RBFOX1: variants seen among roughly 807,000 people sequenced by gnomAD.
RBFOX1 encodes RNA binding fox-1 homolog 1.
A neutral mutation model predicts 57.7 loss-of-function variants in RBFOX1; 8 were observed. That is an observed-to-expected ratio of 0.14 (90% confidence interval 0.08 to 0.25). The LOEUF (loss-of-function observed/expected upper bound fraction) is 0.25, where lower values mean the gene tolerates loss of function less well. Ranked by LOEUF, RBFOX1 falls within the 10% of genes least tolerant of loss-of-function variation. The probability of loss-of-function intolerance (pLI) is 1.00; values close to 1 mark genes in which losing one functional copy is unlikely to be tolerated. For synonymous variants in RBFOX1, 326 were observed against 222.4 expected (o/e 1.47, Z -4.15); for missense variants, 611 against 548.5 (o/e 1.11, Z -1.14).
At chr16:5,470,731 A>G (rs2069106717) in intron 2 of RBFOX1, among the ~76,000 whole-genome samples, 1 of 152,044 alleles carries the variant, frequency 6.6e-6, no homozygotes, top group Admixed American at 6.6e-5. Context: ...TAAGTGGCAG[A>G]GCTGGGATTT....
At chr16:6,557,423 G>A (rs892985750) in intron 2 of RBFOX1, among the ~76,000 whole-genome samples, 1 of 152,062 alleles carries the variant, frequency 6.6e-6, no homozygotes, top group African/African-American at 2.4e-5. Flanking sequence ...GGGACAGTAC[G>A]ATTTCACAAT....
chr16:6,290,379 C>A (rs1332306663), intron 1 of RBFOX1, among the ~76,000 whole-genome samples: 1 of 151,222 alleles, frequency 6.6e-6, no homozygotes, highest in Non-Finnish European at 1.5e-5. Flanking sequence ...GTGACCATAG[C>A]ATTTTTGGAC....
chr16:5,874,900 T>C (rs2057565845), intron 4 of RBFOX1, among the ~76,000 whole-genome samples: 1 of 152,064 alleles, frequency 6.6e-6, no homozygotes, highest in African/African-American at 2.4e-5. Context: ...GAGCTATGAT[T>C]GCACCACTGG....
chr16:6,936,459 C>G (rs756786632), intron 3 of RBFOX1, among the ~76,000 whole-genome samples: 11 of 152,146 alleles, frequency 7.2e-5, no homozygotes, highest in Admixed American at 3.9e-4. Flanking sequence ...GTCCTATTAT[C>G]ATTACTTTCT....
At chr16:6,799,540 T>C (rs2084868379) in intron 3 of RBFOX1, among the ~76,000 whole-genome samples, 1 of 152,044 alleles carries the variant, frequency 6.6e-6, no homozygotes, top group Non-Finnish European at 1.5e-5. Context: ...TTTCTGGGTA[T>C]GTGTGTGAAG....
chr16:6,836,288 A>G (rs939092673), intron 3 of RBFOX1, among the ~76,000 whole-genome samples: 1 of 152,344 alleles, frequency 6.6e-6, no homozygotes, highest in East Asian at 1.9e-4. Context: ...GCAATGAGAT[A>G]GTTAAGGATT....
intron 4 of RBFOX1, among the ~76,000 whole-genome samples, chr16:5,907,180 C>T (rs1217046544): frequency 1.3e-5 from 2 of 152,158 alleles, no homozygotes; most frequent in African/African-American, 4.8e-5. Flanking sequence ...CCTGCTGTGG[C>T]TTCAGGGCAA....
chr16:7,078,889 T>TTTA (rs1555454750), intron 4 of RBFOX1, among the ~76,000 whole-genome samples: 7 of 141,538 alleles, frequency 4.9e-5, no homozygotes, highest in Non-Finnish European at 7.6e-5. Context: ...TTTTTTTTTT[T>TTTA]AGTGAAGATG....
intron 1 of RBFOX1, among the ~76,000 whole-genome samples, chr16:5,425,049 CTCCT>C (rs1361460882): frequency 3.6e-5 from 3 of 82,586 alleles, no homozygotes; most frequent in African/African-American, 7.1e-5. Context: ...CTCTCTCTCT[CTCCT>C]TCCTTCCTTT....
intron 4 of RBFOX1, among the ~76,000 whole-genome samples, chr16:7,085,097 TTG>T (rs113032117): frequency 0.19 from 28,347 of 151,296 alleles, 6,099 homozygotes; most frequent in African/African-American, 0.53. Context: ...GTATCTAAAG[TTG>T]TGTGTGTGTG....
At chr16:7,268,396 C>T (rs922511238) in intron 4 of RBFOX1, among the ~76,000 whole-genome samples, 3 of 152,192 alleles carry the variant, frequency 2.0e-5, no homozygotes, top group Non-Finnish European at 2.9e-5. Context: ...CTCACTCTTA[C>T]TGGTTTTCGA....
intron 4 of RBFOX1, among the ~76,000 whole-genome samples, chr16:5,962,125 C>T (rs548096166): frequency 8.6e-4 from 131 of 152,284 alleles, no homozygotes; most frequent in African/African-American, 3.0e-3. Context: ...GCAAAGAAGG[C>T]TGTATCTCCT....
At chr16:7,271,929 A>C (rs1272055075) in intron 4 of RBFOX1, among the ~76,000 whole-genome samples, 1 of 152,106 alleles carries the variant, frequency 6.6e-6, no homozygotes, top group Non-Finnish European at 1.5e-5. Flanking sequence ...CCTGCTGGAA[A>C]TATCCCCTCA....
At chr16:7,439,860 G>A (rs1347234062) in intron 4 of RBFOX1, among the ~76,000 whole-genome samples, 1 of 151,898 alleles carries the variant, frequency 6.6e-6, no homozygotes, top group African/African-American at 2.4e-5. Flanking sequence ...AAGTGCCAGT[G>A]TGTTCAAAGC....
At chr16:7,629,407 T>C (rs2060580746) in intron 10 of RBFOX1, among the ~76,000 whole-genome samples, 1 of 152,196 alleles carries the variant, frequency 6.6e-6, no homozygotes, top group Admixed American at 6.5e-5. Context: ...TTCCCTGTTC[T>C]GCGGGTGCAC....
At chr16:6,907,207 G>A (rs572930737) in intron 3 of RBFOX1, among the ~76,000 whole-genome samples, 3 of 152,154 alleles carry the variant, frequency 2.0e-5, no homozygotes, top group Non-Finnish European at 2.9e-5. Flanking sequence ...GCAGGGGCCA[G>A]GGATGTTGTT....
intron 1 of RBFOX1, among the ~76,000 whole-genome samples, chr16:5,330,959 C>T (rs1028061326): frequency 7.4e-6 from 1 of 134,716 alleles, no homozygotes. Context: ...GATAGCAAAG[C>T]ACAAATACCC....
rs2047951992 is a variant in RBFOX1 at position 5,614,621 on chromosome 16, G to T, written c.318+15660G>T. ...TTTATTATAGACGATACATCTCCCT[G>T]TTCATTTGCTCCATAATTCTGAAAC... On this transcript the variant is annotated intron_variant, in intron 3 of 19. Transcript: ENST00000641259. Among the ~76,000 whole-genome samples, 3 of 152,094 alleles carry T rather than the reference G, an allele frequency of 2.0e-5. No individual in the cohort carries two copies. In the South Asian group the frequency reaches 6.2e-4, roughly 32 times the overall value.
chr16:7,097,936 G>C (rs924257999), intron 4 of RBFOX1, among the ~76,000 whole-genome samples: 1 of 152,184 alleles, frequency 6.6e-6, no homozygotes, highest in African/African-American at 2.4e-5. Context: ...ACTTTTGGTT[G>C]AGGATCAGAA....
Sources: allele counts gnomAD v4.1 joint callset (sites outside exome capture counted in the v4.1 genomes callset), GRCh38; gene constraint gnomAD v4.1.1; transcripts MANE v1.5; gene names NCBI Gene and HGNC (gene_info 2026-07-23, HGNC 2026-07-21).